Variants in SNX30 observed in about 807,000 individuals in gnomAD.
SNX30 encodes the protein sorting nexin family member 30, also known as sorting nexin-30.
A neutral mutation model predicts 46.4 loss-of-function variants in SNX30; 24 were observed. The ratio of observed to expected loss-of-function variants is 0.52; its 90% confidence interval spans 0.37 to 0.73. SNX30 has a LOEUF of 0.73. Among genes scored for constraint, SNX30 ranks in the 30% least tolerant of loss-of-function variants. The pLI is 0.00. For synonymous variants in SNX30, 189 were observed against 211.5 expected (o/e 0.89, Z 0.92); for missense variants, 533 against 555.7 (o/e 0.96, Z 0.41).
chr9:112,839,752 G>C (rs898003724), intron 6 of SNX30, among the ~76,000 whole-genome samples: 2 of 152,352 alleles, frequency 1.3e-5, no homozygotes, highest in African/African-American at 2.4e-5. Context: ...TGATTAATCT[G>C]TCTTTGGGAC....
chr9:112,857,107 C>T (rs1841144016), intron 7 of SNX30, among the ~76,000 whole-genome samples: 1 of 152,180 alleles, frequency 6.6e-6, no homozygotes, highest in African/African-American at 2.4e-5. Flanking sequence ...GAGGCAGGCA[C>T]GGAGAGTGCG....
intron 1 of SNX30, among the ~76,000 whole-genome samples, chr9:112,785,524 C>T (rs1839909260): frequency 6.6e-6 from 1 of 152,010 alleles, no homozygotes; most frequent in Non-Finnish European, 1.5e-5. Flanking sequence ...GCTGGGATTA[C>T]AGGCATTTGC....
intron 1 of SNX30, among the ~76,000 whole-genome samples, chr9:112,775,500 G>A (rs901488250): frequency 2.7e-5 from 4 of 147,076 alleles, no homozygotes; most frequent in Non-Finnish European, 4.5e-5. Context: ...TCTGGATATC[G>A]TATATTCTCC....
chr9:112,763,734 A>G (rs1735064805), intron 1 of SNX30, among the ~76,000 whole-genome samples: 1 of 151,808 alleles, frequency 6.6e-6, no homozygotes, highest in Non-Finnish European at 1.5e-5. Flanking sequence ...CTGTAATCCC[A>G]GCTACTTGGG....
chr9:112,879,217 G>A (rs1316306709), downstream of SNX30: 1 of 152,242 alleles, frequency 6.6e-6, no homozygotes, highest in African/African-American at 2.4e-5. Context: ...AAAGAAAGCT[G>A]ACTTTTTTCA....
intron 8 of SNX30, among the ~76,000 whole-genome samples, chr9:112,867,354 C>A (rs527867349): frequency 6.8e-6 from 1 of 147,056 alleles, no homozygotes; most frequent in Admixed American, 6.7e-5. Flanking sequence ...CTCTTCCCAC[C>A]TCCTCAGAAT....
chr9:112,839,618 G>A lies in SNX30; in HGVS notation c.1014+921G>A, dbSNP rs138377873. Among the ~76,000 whole-genome samples, 87 of 152,294 alleles carry A rather than the reference G, an allele frequency of 5.7e-4. 1 individual carries two copies. The highest frequency in any genetic ancestry group is 2.0e-3 in the African/African-American group (84 of 41,542). On this transcript the variant is annotated intron_variant, in intron 6 of 8. Coordinates refer to ENST00000374232, the MANE Select transcript of SNX30 (RefSeq NM_001012994.2). ...GAACATCTCTTCAGGAGACTCCGAC[G>A]ATGGGGGCACTGATTAGTAGAAAGG...
chr9:112,776,290 G>A (rs1319366962), intron 1 of SNX30, among the ~76,000 whole-genome samples: 1 of 152,016 alleles, frequency 6.6e-6, no homozygotes, highest in Non-Finnish European at 1.5e-5. Flanking sequence ...TGTGTCTCCT[G>A]AGAGAATTCC....
At chr9:112,857,737 A>C (rs1643568374) in intron 7 of SNX30, among the ~76,000 whole-genome samples, 1 of 152,020 alleles carries the variant, frequency 6.6e-6, no homozygotes. Context: ...TGCGTGGCAC[A>C]TGGAAGGAGC....
At chr9:112,843,572 A>G (rs932767872) in intron 6 of SNX30, among the ~76,000 whole-genome samples, 1 of 148,782 alleles carries the variant, frequency 6.7e-6, no homozygotes, top group Admixed American at 6.7e-5. Flanking sequence ...TGAGCAAAGG[A>G]GTAAGTGGTA....
intron 1 of SNX30, among the ~76,000 whole-genome samples, chr9:112,783,609 C>T (rs1034254730): frequency 1.3e-5 from 2 of 152,144 alleles, no homozygotes; most frequent in African/African-American, 2.4e-5. Flanking sequence ...TCCAGGTTCC[C>T]GGGCAATCAG....
At chr9:112,796,413 C>T (rs541757470) in intron 1 of SNX30, among the ~76,000 whole-genome samples, 1 of 152,294 alleles carries the variant, frequency 6.6e-6, no homozygotes, top group East Asian at 1.9e-4. Flanking sequence ...AATCCCCAGA[C>T]ACTGGGGTGT....
At chr9:112,776,964 C>T (rs1018527286) in intron 1 of SNX30, among the ~76,000 whole-genome samples, 10 of 152,226 alleles carry the variant, frequency 6.6e-5, no homozygotes, top group East Asian at 1.9e-4. Context: ...CTTTGCTCAC[C>T]GCCCCCTGCC....
chr9:112,753,246 C>T (rs1287719323), intron 1 of SNX30, among the ~76,000 whole-genome samples: 1 of 152,146 alleles, frequency 6.6e-6, no homozygotes, highest in Non-Finnish European at 1.5e-5. Flanking sequence ...CTAATAAGCA[C>T]TTGGAAGACA....
chr9:112,810,989 G>C (rs1206778403), intron 2 of SNX30, among the ~76,000 whole-genome samples: 2 of 152,190 alleles, frequency 1.3e-5, no homozygotes, highest in Non-Finnish European at 2.9e-5. Flanking sequence ...CAGAGGGACC[G>C]ATGGCAGGGA....
In SNX30 at chr9:112,817,776, G is replaced by A; in HGVS notation, c.420G>A (p.Arg140=). 2 of 1,613,904 alleles carry A rather than the reference G, an allele frequency of 1.2e-6. No individual in the cohort carries two copies. Among genetic ancestry groups the A allele is most frequent in the Non-Finnish European group, 1.7e-6 (2 of 1,179,888 alleles). ...RRRYQDFDWL[R]SKLEESQPTH... Reference sequence around the variant, plus strand: ...GATACCAGGATTTTGACTGGTTGAGGAGCAAACTGGAAGAATCCCAGCCCA... The same window carrying A: ...GATACCAGGATTTTGACTGGTTGAGAAGCAAACTGGAAGAATCCCAGCCCA... The change falls in exon 3 of 9, where the codon AGG becomes AGA. Residue 140 remains arginine, a synonymous_variant. Coordinates refer to ENST00000374232, the MANE Select transcript of SNX30 (RefSeq NM_001012994.2).
At chr9:112,845,173 A>G (rs189712519) in intron 6 of SNX30, among the ~76,000 whole-genome samples, 14 of 152,316 alleles carry the variant, frequency 9.2e-5, no homozygotes, top group Non-Finnish European at 4.4e-5. Context: ...CTTCACCAAA[A>G]TGACACTAAA....
rs769419280 is a variant in SNX30, at chr9:112,864,322, T to G, written c.1177T>G (p.Trp393Gly). 6.2e-7 allele frequency: 1 copy of G among 1,613,846 alleles called. No individual in the cohort carries two copies. Reference protein sequence around the residue: ...NADLKADMERWQNNKRQDFRQ... With the variant: ...NADLKADMERGQNNKRQDFRQ... The stretch of plus-strand genomic sequence containing the variant: ...TGACCTGAAAGCTGACATGGAGAGG[T>G]GGCAGAACAACAAGAGGCAGGACTT... The change falls in exon 8 of 9, where the codon TGG becomes GGG. Residue 393 changes from tryptophan (W) to glycine (G), a missense_variant. Coordinates refer to ENST00000374232, the MANE Select transcript of SNX30 (RefSeq NM_001012994.2).
intron 5 of SNX30, among the ~76,000 whole-genome samples, chr9:112,880,730 C>A (rs1397749099): frequency 2.0e-5 from 3 of 152,222 alleles, no homozygotes; most frequent in Admixed American, 2.0e-4. Context: ...GGTCCTGTAA[C>A]AAAGGGTGTG....
Sources: allele counts gnomAD v4.1 joint callset (sites outside exome capture counted in the v4.1 genomes callset), GRCh38; gene constraint gnomAD v4.1.1; transcripts MANE v1.5; gene names NCBI Gene and HGNC (gene_info 2026-07-23, HGNC 2026-07-21).